The following SUGCT variants were observed in gnomAD, a reference collection of about 807,000 sequenced individuals.
SUGCT encodes succinyl-CoA:glutarate CoA-transferase.
Under a neutral mutation model 55.0 loss-of-function variants are expected in SUGCT, and 41 were observed. The observed-to-expected ratio is 0.74, with a 90% CI of 0.58 to 0.97. SUGCT has a LOEUF of 0.97. Ranked by LOEUF, SUGCT falls within the 50% of genes least tolerant of loss-of-function variation. SUGCT has a pLI of 0.00. For synonymous variants in SUGCT, 187 were observed against 200.4 expected (o/e 0.93, Z 0.56); for missense variants, 568 against 547.8 (o/e 1.04, Z -0.37).
chr7:40,947,109 T>C, the SUGCT span, among the ~76,000 whole-genome samples: 1 of 152,212 alleles, frequency 6.6e-6, no homozygotes, highest in African/African-American at 2.4e-5. Context: ...GTATGCTTGA[T>C]GGTGTCCCAC....
chr7:40,992,657 G>T, the SUGCT span, among the ~76,000 whole-genome samples: 1 of 149,576 alleles, frequency 6.7e-6, no homozygotes, highest in Non-Finnish European at 1.5e-5. Flanking sequence ...GCCATAGGAG[G>T]TATGTATGAA....
intron 1 of SUGCT, among the ~76,000 whole-genome samples, chr7:40,174,922 G>C (rs1784850460): frequency 6.6e-6 from 1 of 152,112 alleles, no homozygotes; most frequent in African/African-American, 2.4e-5. Flanking sequence ...GTATTGAATA[G>C]TTATCTTTTA....
intron 13 of SUGCT, among the ~76,000 whole-genome samples, chr7:40,786,393 G>T (rs1790015275): frequency 6.6e-6 from 1 of 152,146 alleles, no homozygotes; most frequent in African/African-American, 2.4e-5. Flanking sequence ...CTTTTGATTA[G>T]CAGGAATTAC....
At chr7:40,709,891 T>A (rs1466268650) in intron 12 of SUGCT, among the ~76,000 whole-genome samples, 2 of 152,182 alleles carry the variant, frequency 1.3e-5, no homozygotes, top group Non-Finnish European at 2.9e-5. Flanking sequence ...TTAATTTCAA[T>A]AAATTCCCAG....
chr7:40,593,514 TAA>T (rs1259128808), intron 12 of SUGCT, among the ~76,000 whole-genome samples: 1 of 152,080 alleles, frequency 6.6e-6, no homozygotes, highest in African/African-American at 2.4e-5. Context: ...AAAACAGTAA[TAA>T]AGAGTGTCAA....
At position 40,161,663 on chromosome 7, in the gene SUGCT, A is replaced by G. The variant is rs191053138; in HGVS notation, c.101-19284A>G. Among the ~76,000 whole-genome samples the G allele has an allele frequency of 2.6e-5, 4 of 152,304 alleles. No homozygotes were observed. In the East Asian group the frequency reaches 7.7e-4, roughly 29 times the overall value. On this transcript the variant is annotated intron_variant, in intron 1 of 13. Coordinates refer to ENST00000335693, the MANE Select transcript of SUGCT (RefSeq NM_001193313.2). ...CCAGGGATCTTTTGGGTTTGTGAGC[A>G]TTCTTATATTGAATAGTAATTTGCA... is the stretch of plus-strand genomic sequence containing the variant.
At chr7:40,967,131 C>T in the SUGCT span, 1 of 152,122 alleles carries the variant, frequency 6.6e-6, no homozygotes, top group African/African-American at 2.4e-5. Flanking sequence ...GTTTTGTTAC[C>T]CAAATGGGTG....
intron 13 of SUGCT, among the ~76,000 whole-genome samples, chr7:40,848,093 G>T (rs1042484604): frequency 2.6e-5 from 4 of 152,186 alleles, no homozygotes; most frequent in Non-Finnish European, 4.4e-5. Flanking sequence ...TCTAAAGTCT[G>T]TTGGATTCCA....
At chr7:40,849,882 TGGAG>T (rs1793764253) in intron 13 of SUGCT, among the ~76,000 whole-genome samples, 1 of 151,764 alleles carries the variant, frequency 6.6e-6, no homozygotes, top group South Asian at 2.1e-4. Flanking sequence ...TCAGGGTGGG[TGGAG>T]GGAGGTATTG....
intron 11 of SUGCT, among the ~76,000 whole-genome samples, chr7:40,473,819 A>G (rs1244140257): frequency 6.6e-6 from 1 of 152,194 alleles, no homozygotes. Context: ...AATTTGGTGC[A>G]TGGAGTCCAA....
intron 11 of SUGCT, among the ~76,000 whole-genome samples, chr7:40,460,688 T>G (rs755926431): frequency 1.4e-4 from 22 of 152,218 alleles, no homozygotes; most frequent in Non-Finnish European, 2.9e-4. Context: ...AATTATGTTA[T>G]AGAGTTCAAC....
At chr7:40,950,379 A>C in the SUGCT span, among the ~76,000 whole-genome samples, 1 of 152,290 alleles carries the variant, frequency 6.6e-6, no homozygotes, top group Admixed American at 6.5e-5. Flanking sequence ...GGTTTTCTAG[A>C]TATACAACCA....
At chr7:41,027,298 A>G in the SUGCT span, among the ~76,000 whole-genome samples, 1 of 152,144 alleles carries the variant, frequency 6.6e-6, no homozygotes, top group Non-Finnish European at 1.5e-5. Context: ...TCTCGGTACC[A>G]TTAGTGAAGG....
chr7:40,507,230 A>G (rs753955565), intron 12 of SUGCT, among the ~76,000 whole-genome samples: 2 of 152,122 alleles, frequency 1.3e-5, no homozygotes, highest in African/African-American at 4.8e-5. Context: ...ACTTTGCCCA[A>G]CCAGTTCTGC....
intron 9 of SUGCT, among the ~76,000 whole-genome samples, chr7:40,375,351 T>A (rs1303519270): frequency 6.6e-6 from 1 of 152,152 alleles, no homozygotes; most frequent in African/African-American, 2.4e-5. Context: ...TTAAGGCAAG[T>A]CCCTTTGATT....
intron 12 of SUGCT, among the ~76,000 whole-genome samples, chr7:40,509,807 C>T (rs1792824050): frequency 6.6e-6 from 1 of 152,150 alleles, no homozygotes; most frequent in Admixed American, 6.6e-5. Flanking sequence ...CCATCTGCTG[C>T]TATTTACTTT....
chr7:40,602,448 C>T (rs140559803), intron 12 of SUGCT, among the ~76,000 whole-genome samples: 9,164 of 152,184 alleles, frequency 0.06, 320 homozygotes, highest in Middle Eastern at 0.13. Flanking sequence ...GAGGAGGTAA[C>T]GACTGGTCAG....
intron 13 of SUGCT, among the ~76,000 whole-genome samples, chr7:40,848,965 T>C (rs1793718563): frequency 6.6e-6 from 1 of 152,212 alleles, no homozygotes; most frequent in Non-Finnish European, 1.5e-5. Context: ...GTTATTGTTA[T>C]GATGATGAGT....
At chr7:40,670,580 A>G (rs1229534693) in intron 12 of SUGCT, among the ~76,000 whole-genome samples, 2 of 152,154 alleles carry the variant, frequency 1.3e-5, no homozygotes, top group South Asian at 2.1e-4. Flanking sequence ...TTGTCTTGCC[A>G]TGTTGCTCAA....
Sources: allele counts gnomAD v4.1 joint callset (sites outside exome capture counted in the v4.1 genomes callset), GRCh38; gene constraint gnomAD v4.1.1; transcripts MANE v1.5; gene names NCBI Gene and HGNC (gene_info 2026-07-23, HGNC 2026-07-21).